Variants in DHX35 observed in about 807,000 individuals in gnomAD.
DHX35 encodes the protein DEAH-box helicase 35.
Under a neutral mutation model 99.6 loss-of-function variants are expected in DHX35, and 84 were observed. The observed-to-expected ratio is 0.84, with a 90% CI of 0.71 to 1.01. The LOEUF is 1.01. Ranked by LOEUF, DHX35 falls within the 50% of genes least tolerant of loss-of-function variation. DHX35 has a pLI of 0.00. For missense variants in DHX35, 852 were observed against 888.5 expected, an observed-to-expected ratio of 0.96 and a Z score of 0.52; for synonymous variants, 331 against 316.2, an observed-to-expected ratio of 1.05 and a Z score of -0.50.
chr20:39,008,491 G>A (rs560708057), intron 12 of DHX35, among the ~76,000 whole-genome samples: 4 of 152,204 alleles, frequency 2.6e-5, no homozygotes, highest in Non-Finnish European at 5.9e-5. Context: ...ACTAAAGATA[G>A]GCAGGTGGAT....
chr20:39,010,273 T>A lies in DHX35; in HGVS notation c.1223-7T>A. 1 of 1,614,130 alleles carries A rather than the reference T, an allele frequency of 6.2e-7. No individual in the cohort carries two copies. The highest frequency in any genetic ancestry group is 8.5e-7 in the Non-Finnish European group (1 of 1,179,966). ...GGTCCCAAACAGTTCTGATTTCCTA[T>A]CCTCAGAGGAAGCCTTTGACAAGTT... On this transcript the variant is annotated splice_polypyrimidine_tract_variant and splice_region_variant and intron_variant, in intron 12 of 21. Coordinates refer to ENST00000252011, the MANE Select transcript of DHX35 (RefSeq NM_021931.4).
intron 3 of DHX35, among the ~76,000 whole-genome samples, chr20:38,982,496 CTGGT>C (rs1479940806): frequency 1.3e-5 from 2 of 152,148 alleles, no homozygotes; most frequent in Non-Finnish European, 2.9e-5. Flanking sequence ...CCTCCACATC[CTGGT>C]TGGTTTTATT....
chr20:38,996,311 T>TCCATGAAGATCAGAGC (rs1487851155), intron 8 of DHX35, among the ~76,000 whole-genome samples: 13 of 152,256 alleles, frequency 8.5e-5, no homozygotes, highest in Non-Finnish European at 1.9e-4. Flanking sequence ...GGACTTTGTC[T>TCCATGAAGATCAGAGC]TATTTTATCT....
chr20:39,018,895 A>T lies in DHX35; in HGVS notation c.1494A>T (p.Glu498Asp). 1 of 1,614,022 alleles carries T rather than the reference A, an allele frequency of 6.2e-7. No homozygotes were observed. The highest frequency in any genetic ancestry group is 2.2e-5 in the East Asian group (1 of 44,872). ...LNPMFAKMLL[E>D]SGNFGCSQEI... ...CCATGTTTGCCAAAATGCTGCTTGA[A>T]TCAGGTGGGTAGAGCCTGATAGCTT... Residue 498 changes from glutamate to aspartate, a missense_variant, in exon 15 of 22, where the codon GAA becomes GAT. Transcript: ENST00000252011.
intron 5 of DHX35, among the ~76,000 whole-genome samples, 189 bp downstream of exon 5, chr20:38,989,106 T>C (rs1250595345): frequency 6.7e-6 from 1 of 149,158 alleles, no homozygotes; most frequent in East Asian, 2.0e-4. Context: ...TCTTTTTTTT[T>C]TTTTTTTTTG....
At chr20:38,973,974 A>G (rs538254479) in intron 3 of DHX35, among the ~76,000 whole-genome samples, 93 of 152,236 alleles carry the variant, frequency 6.1e-4, no homozygotes, top group African/African-American at 2.2e-3. Context: ...AGTCATTCCT[A>G]GTTTTTAGTT....
intron 3 of DHX35, among the ~76,000 whole-genome samples, chr20:38,981,874 TC>T (rs111449315): frequency 0.015 from 2,167 of 147,092 alleles, 57 homozygotes; most frequent in African/African-American, 0.052. Flanking sequence ...AACCCAGAAG[TC>T]GGAGGTTGCA....
intron 1 of DHX35, chr20:38,962,634 T>A (rs1050693467): frequency 1.8e-6 from 1 of 566,820 alleles, no homozygotes; most frequent in Non-Finnish European, 3.1e-6. Context: ...CTTGTTAAAG[T>A]GGTCCAGCCT....
chr20:39,020,007 C>G (rs957438599), intron 15 of DHX35, among the ~76,000 whole-genome samples: 1 of 152,140 alleles, frequency 6.6e-6, no homozygotes, highest in Non-Finnish European at 1.5e-5. Context: ...CTGTGCCTGC[C>G]TTATTTCACT....
chr20:39,003,246 A>G (rs1013391362), intron 10 of DHX35, among the ~76,000 whole-genome samples: 3 of 152,144 alleles, frequency 2.0e-5, no homozygotes, highest in Non-Finnish European at 4.4e-5. Context: ...CCTGGAGGTG[A>G]TAAGTGGCCA....
intron 2 of DHX35, among the ~76,000 whole-genome samples, chr20:38,969,937 A>G (rs1480363053): frequency 6.6e-6 from 1 of 152,244 alleles, no homozygotes; most frequent in Non-Finnish European, 1.5e-5. Flanking sequence ...GAAATGTCAT[A>G]CAGCCCCTGA....
In DHX35 at chr20:39,039,051, A is replaced by C. The variant is rs1201310824; in HGVS notation, c.*508A>C. The stretch of plus-strand genomic sequence containing the variant: ...TGGGGATCTCTGCCGAAACCACCAA[A>C]GGGCATGTCTGATGGGCACAGGGTC... On this transcript the variant is annotated 3_prime_UTR_variant, in exon 22 of 22. Transcript: ENST00000252011. 6.3e-6 allele frequency: 1 copy of C among 159,968 alleles called. No individual in the cohort carries two copies. The highest frequency in any genetic ancestry group is 6.3e-5 in the Admixed American group (1 of 15,956). 9.9% of individuals were successfully genotyped at this position (159,968 alleles called of 1,614,324 possible).
intron 8 of DHX35, among the ~76,000 whole-genome samples, chr20:39,000,379 A>G (rs2145891505): frequency 6.6e-6 from 1 of 152,160 alleles, no homozygotes; most frequent in South Asian, 2.1e-4. Context: ...GTCTGTTCCC[A>G]CTTGTTTGTA....
chr20:38,997,388 ATACT>A (rs1297566103), intron 8 of DHX35, among the ~76,000 whole-genome samples: 2 of 152,060 alleles, frequency 1.3e-5, no homozygotes, highest in Non-Finnish European at 2.9e-5. Flanking sequence ...TTGTTAATTA[ATACT>A]TACTAATTGT....
At chr20:39,007,251 T>C (rs777265720) in intron 12 of DHX35, among the ~76,000 whole-genome samples, 8 of 152,350 alleles carry the variant, frequency 5.3e-5, no homozygotes, top group Admixed American at 3.3e-4. Flanking sequence ...TTTTAGCAGA[T>C]GTTTGCAGAG....
In DHX35 at chr20:39,014,383, T is replaced by C. The variant is rs145666654; in HGVS notation, c.1348-497T>C. 5.7e-4 allele frequency among the ~76,000 whole-genome samples: 87 copies of C among 152,292 alleles called. 1 individual carries two copies. In the East Asian group the frequency reaches 0.015, roughly 27 times the overall value. ...TTTTTTGAAATTCAGATTCGACATA[T>C]GTTGTAGTTTCCAGACAGGGATTAA... On this transcript the variant is annotated intron_variant, in intron 13 of 21. Transcript: ENST00000252011.
At chr20:39,030,595 T>C (rs1312772817) in intron 19 of DHX35, 109 bp from the exon 20 acceptor site, 17 of 978,048 alleles carry the variant, frequency 1.7e-5, no homozygotes, top group Non-Finnish European at 2.7e-5. Context: ...GTTTTGCTTG[T>C]GACGAGTTCA....
At chr20:39,025,135 G>A in intron 17 of DHX35, 95 bp from the exon 18 acceptor site, 1 of 1,409,952 alleles carries the variant, frequency 7.1e-7, no homozygotes, top group Non-Finnish European at 9.6e-7. Context: ...CCGTTGAACA[G>A]CACATGGGGG....
chr20:38,962,548 G>C, intron 1 of DHX35, 141 bp downstream of exon 1: 3 of 1,070,822 alleles, frequency 2.8e-6, no homozygotes, highest in Non-Finnish European at 4.0e-6. Flanking sequence ...TGCGGGGGGA[G>C]CTCTGGCTCA....
Sources: allele counts gnomAD v4.1 joint callset (sites outside exome capture counted in the v4.1 genomes callset), GRCh38; gene constraint gnomAD v4.1.1; transcripts MANE v1.5; gene names NCBI Gene and HGNC (gene_info 2026-07-23, HGNC 2026-07-21).